WDR17: variants seen among roughly 807,000 people sequenced by gnomAD.
WDR17 encodes WD repeat domain 17, also known as WD repeat-containing protein 17.
WDR17 carries 143 observed loss-of-function variants against 161.7 expected under a neutral mutation model. That is an observed-to-expected ratio of 0.88 (90% CI 0.77 to 1.02). The LOEUF (loss-of-function observed/expected upper bound fraction) is 1.02. WDR17 is among the 50% of genes least tolerant of loss of function. The probability of loss-of-function intolerance (pLI) is 0.00; values close to 1 mark genes in which losing one functional copy is unlikely to be tolerated. For synonymous variants in WDR17, 517 were observed against 515.6 expected (o/e 1.00, Z -0.04); for missense variants, 1,469 against 1,520.9 (o/e 0.97, Z 0.57).
intron 6 of WDR17, among the ~76,000 whole-genome samples, chr4:176,129,497 G>GAA (rs1486701597): frequency 6.6e-6 from 1 of 151,932 alleles, no homozygotes; most frequent in Non-Finnish European, 1.5e-5. Context: ...TCAAATATAA[G>GAA]GGAAAAATAA....
intron 7 of WDR17, among the ~76,000 whole-genome samples, chr4:176,133,932 G>A (rs1743964596): frequency 6.6e-6 from 1 of 151,612 alleles, no homozygotes; most frequent in African/African-American, 2.4e-5. Context: ...TTACAATTTT[G>A]TTCTTGCTAT....
At chr4:176,141,041 C>T (rs1281741926) in intron 10 of WDR17, among the ~76,000 whole-genome samples, 2 of 152,154 alleles carry the variant, frequency 1.3e-5, no homozygotes, top group Non-Finnish European at 2.9e-5. Context: ...TTAAGACAGT[C>T]TTTTCCATAC....
intron 1 of WDR17, among the ~76,000 whole-genome samples, chr4:176,081,531 A>G (rs563973445): frequency 6.6e-6 from 1 of 152,210 alleles, no homozygotes; most frequent in African/African-American, 2.4e-5. Context: ...TGTTTCATAC[A>G]TTTATTTGTG....
intron 11 of WDR17, among the ~76,000 whole-genome samples, chr4:176,145,410 T>C (rs144633983): frequency 5.8e-4 from 88 of 152,296 alleles, no homozygotes; most frequent in Middle Eastern, 3.4e-3. Flanking sequence ...AGTTAAAGCA[T>C]CTTAAAGAAG....
chr4:176,167,658 A>AAAAAAAAAAC (rs1750038034), intron 22 of WDR17, among the ~76,000 whole-genome samples: 1 of 69,622 alleles, frequency 1.4e-5, no homozygotes, highest in Non-Finnish European at 3.4e-5. Context: ...AAAAAAAAAA[A>AAAAAAAAAAC]AAAAAAAAAA....
At chr4:176,114,443 T>C (rs977863712) in intron 2 of WDR17, among the ~76,000 whole-genome samples, 1 of 152,074 alleles carries the variant, frequency 6.6e-6, no homozygotes, top group African/African-American at 2.4e-5. Context: ...AAATTTTACA[T>C]ACAATGTTCA....
At chr4:176,071,544 A>C (rs554994711) in intron 1 of WDR17, among the ~76,000 whole-genome samples, 4 of 152,144 alleles carry the variant, frequency 2.6e-5, no homozygotes, top group Non-Finnish European at 5.9e-5. Context: ...GCTGGTCTCA[A>C]ACTCCTGACC....
chr4:176,174,821 A>C, intron 26 of WDR17, 103 bp downstream of exon 26: 2 of 631,480 alleles, frequency 3.2e-6, no homozygotes, highest in Non-Finnish European at 5.3e-6. Context: ...TATTATTACA[A>C]GTATCCATCT....
intron 23 of WDR17, among the ~76,000 whole-genome samples, chr4:176,170,050 GCAGATGTTAATATC>G (rs1208848585): frequency 1.3e-5 from 2 of 152,144 alleles, no homozygotes; most frequent in East Asian, 3.8e-4. Context: ...GGCAGAAGGT[GCAGATGTTAATATC>G]AAGACTCAGA....
At chr4:176,074,057 T>C (rs532689970) in intron 1 of WDR17, among the ~76,000 whole-genome samples, 155 of 151,884 alleles carry the variant, frequency 1.0e-3, no homozygotes, top group African/African-American at 3.4e-3. Flanking sequence ...AGGTTGCCTG[T>C]TCACTCTGAT....
chr4:176,092,973 C>T lies in WDR17; in HGVS notation c.-6-18602C>T, dbSNP rs747015879. Reference sequence around the variant, plus strand: ...ATGAGAATCGCTTGAACCTGGGAGGCGGAGGTTGCAGTGAGCCCAGATTGT... The same window carrying T: ...ATGAGAATCGCTTGAACCTGGGAGGTGGAGGTTGCAGTGAGCCCAGATTGT... On this transcript the variant is annotated intron_variant, in intron 1 of 28. Transcript: ENST00000508596. Among the ~76,000 whole-genome samples the T allele has an allele frequency of 3.7e-4, 57 of 152,080 alleles. 2 individuals are homozygous for T. The Middle Eastern group carries it at 0.017, about 45-fold the overall frequency.
At chr4:176,108,025 C>G (rs138797584) in intron 1 of WDR17, among the ~76,000 whole-genome samples, 3 of 151,174 alleles carry the variant, frequency 2.0e-5, no homozygotes, top group East Asian at 3.9e-4. Flanking sequence ...TCCTCCTGCC[C>G]TCCCCACTTG....
intron 22 of WDR17, among the ~76,000 whole-genome samples, chr4:176,165,588 T>TA (rs1561207394): frequency 5.3e-5 from 8 of 152,214 alleles, no homozygotes; most frequent in Non-Finnish European, 1.0e-4. Flanking sequence ...TTATGTATTA[T>TA]ATACTGTATT....
chr4:176,176,120 A>G (rs188062407), intron 26 of WDR17, among the ~76,000 whole-genome samples: 5 of 152,226 alleles, frequency 3.3e-5, no homozygotes, highest in South Asian at 2.1e-4. Flanking sequence ...TAGATGTAAA[A>G]TAATGTTTAA....
Position 176,142,055 on chromosome 4 carries a change from G to A in WDR17, c.1515G>A (p.Trp505Ter). 6.2e-7 allele frequency: 1 copy of A among 1,609,342 alleles called. No individual in the cohort carries two copies. Among genetic ancestry groups the A allele is most frequent in the Non-Finnish European group, 8.5e-7 (1 of 1,177,716 alleles). The part of the protein sequence containing the change: ...KHPAAVFGCD[W>*]SQNNKDMIAT... ...CAGCTGCAGTGTTTGGTTGTGATTG[G>A]AGCCAAAACAATAAGTAAGTGGTTT... The change falls in exon 11 of 29, where the codon TGG becomes TGA. Residue 505 changes from tryptophan (W) to a stop codon, truncating the protein, a stop_gained. Coordinates refer to ENST00000508596, the MANE Select transcript of WDR17 (RefSeq NM_181265.4). LOFTEE classifies it high-confidence loss of function.
chr4:176,156,675 C>CG, intron 18 of WDR17, among the ~76,000 whole-genome samples: 1 of 130,004 alleles, frequency 7.7e-6, no homozygotes. Context: ...CTGGGGTTGC[C>CG]GTAAAAAAAA....
At chr4:176,082,750 A>G (rs914569943) in intron 1 of WDR17, among the ~76,000 whole-genome samples, 1 of 152,138 alleles carries the variant, frequency 6.6e-6, no homozygotes, top group Admixed American at 6.6e-5. Flanking sequence ...CCATTTTAAA[A>G]ATTATTTTCT....
intron 1 of WDR17, among the ~76,000 whole-genome samples, chr4:176,089,613 G>A (rs537735374): frequency 1.3e-5 from 2 of 152,162 alleles, no homozygotes; most frequent in East Asian, 1.9e-4. Context: ...AGTGCTGAGT[G>A]CTGTATATAT....
chr4:176,092,667 T>C (rs1216830519), intron 1 of WDR17, among the ~76,000 whole-genome samples: 1 of 152,142 alleles, frequency 6.6e-6, no homozygotes, highest in Non-Finnish European at 1.5e-5. Flanking sequence ...ATAGAACTGA[T>C]AAATTCAGTA....
Sources: allele counts gnomAD v4.1 joint callset (sites outside exome capture counted in the v4.1 genomes callset), GRCh38; gene constraint gnomAD v4.1.1; transcripts MANE v1.5; gene names NCBI Gene and HGNC (gene_info 2026-07-23, HGNC 2026-07-21).